Variants in STXBP5 observed in about 807,000 individuals in gnomAD.
STXBP5 encodes the protein syntaxin-binding protein 5.
Under a neutral mutation model 152.4 loss-of-function variants are expected in STXBP5, and 50 were observed. That is an observed-to-expected ratio of 0.33 (90% CI 0.26 to 0.42). The LOEUF (loss-of-function observed/expected upper bound fraction) is 0.42. Ranked by LOEUF, STXBP5 falls within the 10% of genes least tolerant of loss-of-function variation. The pLI, the probability that STXBP5 is intolerant of heterozygous loss-of-function variation, is 1.00. For synonymous variants in STXBP5, 492 were observed against 494.7 expected, an observed-to-expected ratio of 0.99 and a Z score of 0.07; for missense variants, 1,167 against 1,388.6, an observed-to-expected ratio of 0.84 and a Z score of 2.54.
chr6:147,300,661 G>A (rs1340109077), intron 9 of STXBP5, among the ~76,000 whole-genome samples: 4 of 150,202 alleles, frequency 2.7e-5, no homozygotes, highest in Admixed American at 6.6e-5. Flanking sequence ...GCTAAAAAAT[G>A]TATTAAAGAC....
At chr6:147,284,939 G>A (rs1357756945) in intron 8 of STXBP5, among the ~76,000 whole-genome samples, 1 of 152,152 alleles carries the variant, frequency 6.6e-6, no homozygotes, top group Non-Finnish European at 1.5e-5. Context: ...GTGGGCTGGA[G>A]GCAGAAGAGG....
chr6:147,274,607 A>T (rs560780099), intron 7 of STXBP5, among the ~76,000 whole-genome samples: 8 of 152,174 alleles, frequency 5.3e-5, no homozygotes, highest in Non-Finnish European at 1.2e-4. Context: ...GTAAGAAATC[A>T]TATGTGCTAT....
chr6:147,226,271 C>G (rs1311355675), intron 2 of STXBP5, among the ~76,000 whole-genome samples: 2 of 149,510 alleles, frequency 1.3e-5, no homozygotes, highest in Non-Finnish European at 3.0e-5. Flanking sequence ...CCTCTGCACT[C>G]TACCCTGGGT....
rs545090475 is a variant in STXBP5, at chr6:147,350,251, T to G, written c.2255-3072T>G. On this transcript the variant is annotated intron_variant, in intron 21 of 27. Transcript: ENST00000321680. ...TAAAATAGTACTAGAAAAAAACTTT[T>G]ATTCTATGGGAGAGGTTAACTTAAA... 5.3e-5 allele frequency among the ~76,000 whole-genome samples: 8 copies of G among 152,084 alleles called. No homozygotes were observed. The East Asian group carries it at 1.2e-3, about 22-fold the overall frequency.
intron 18 of STXBP5, 143 bp from the exon 19 acceptor site, chr6:147,334,014 A>G (rs759328743): frequency 2.0e-4 from 123 of 610,388 alleles, no homozygotes; most frequent in East Asian, 1.1e-3. Flanking sequence ...CTCAAACCCA[A>G]TGTGCATGGT....
At chr6:147,312,959 A>C (rs1373417283) in intron 11 of STXBP5, among the ~76,000 whole-genome samples, 1 of 152,176 alleles carries the variant, frequency 6.6e-6, no homozygotes, top group Non-Finnish European at 1.5e-5. Context: ...TTTATTTAGC[A>C]AAAGTATCAG....
chr6:147,213,469 TGTGTGTGTGC>T (rs1776981555), intron 2 of STXBP5, among the ~76,000 whole-genome samples: 4 of 121,860 alleles, frequency 3.3e-5, no homozygotes, highest in South Asian at 2.7e-4. Flanking sequence ...TGTGTGTGTG[TGTGTGTGTGC>T]GCGCGCATAT....
chr6:147,261,339 T>C (rs1198568224), intron 5 of STXBP5, among the ~76,000 whole-genome samples: 1 of 152,032 alleles, frequency 6.6e-6, no homozygotes, highest in Non-Finnish European at 1.5e-5. Flanking sequence ...TAAGGATCTT[T>C]AGTGCTAACT....
chr6:147,355,314 A>G (rs973661998), intron 22 of STXBP5, among the ~76,000 whole-genome samples: 2 of 152,172 alleles, frequency 1.3e-5, no homozygotes, highest in African/African-American at 2.4e-5. Context: ...AGTTTGTTGA[A>G]TAAGGCTCTC....
chr6:147,383,091 C>G, intron 27 of STXBP5, 93 bp downstream of exon 27: 2 of 1,368,878 alleles, frequency 1.5e-6, no homozygotes, highest in Non-Finnish European at 1.0e-6. Context: ...TTTCTACACC[C>G]ATGAATTTGC....
rs372118504 is a variant in STXBP5, at chr6:147,254,467, T to C, written c.432-6148T>C. 2.6e-5 allele frequency among the ~76,000 whole-genome samples: 4 copies of C among 152,292 alleles called. No homozygotes were observed. In the East Asian group the frequency reaches 5.8e-4, roughly 22 times the overall value. On this transcript the variant is annotated intron_variant, in intron 4 of 27. Transcript: ENST00000321680. ...TGGGATCTAATTACACTGAAGAGCT[T>C]CTGCAGAGCAAAAGAAACTGTCATC... is the stretch of plus-strand genomic sequence containing the variant.
chr6:147,213,396 G>C (rs2115042335), intron 2 of STXBP5, among the ~76,000 whole-genome samples: 1 of 149,546 alleles, frequency 6.7e-6, no homozygotes. Flanking sequence ...TGGGACCACA[G>C]ATGTGAGCCA....
intron 18 of STXBP5, among the ~76,000 whole-genome samples, chr6:147,333,262 C>T (rs1338721857): frequency 6.6e-6 from 1 of 152,100 alleles, no homozygotes; most frequent in Non-Finnish European, 1.5e-5. Flanking sequence ...TGGCTCACAC[C>T]TGTAATCCCA....
chr6:147,301,591 C>T (rs546269755), intron 9 of STXBP5, among the ~76,000 whole-genome samples: 1 of 152,290 alleles, frequency 6.6e-6, no homozygotes, highest in Non-Finnish European at 1.5e-5. Flanking sequence ...AGTCATTCTA[C>T]AACCCAGCCC....
intron 22 of STXBP5, among the ~76,000 whole-genome samples, chr6:147,357,160 C>T (rs781196362): frequency 2.0e-5 from 3 of 152,036 alleles, no homozygotes; most frequent in Admixed American, 1.3e-4. Flanking sequence ...GGGAGAGATA[C>T]ATGGCTATAG....
intron 8 of STXBP5, among the ~76,000 whole-genome samples, chr6:147,282,977 T>TA (rs576247013): frequency 0.015 from 2,262 of 145,950 alleles, 17 homozygotes; most frequent in Non-Finnish European, 0.021. Context: ...GCTGATGAGC[T>TA]AAAAAAAAAA....
chr6:147,344,058 T>C (rs1289499706), intron 21 of STXBP5, among the ~76,000 whole-genome samples: 1 of 152,236 alleles, frequency 6.6e-6, no homozygotes, highest in Non-Finnish European at 1.5e-5. Flanking sequence ...TTCAAAATTA[T>C]TATATGAGTC....
Position 147,230,174 on chromosome 6 carries a change from G to A in STXBP5, c.249-5076G>A, listed in dbSNP as rs549237309. Among the ~76,000 whole-genome samples the A allele has an allele frequency of 8.6e-5, 13 of 151,930 alleles. No individual in the cohort carries two copies. The South Asian group carries it at 1.7e-3, about 19-fold the overall frequency. ...CCATTGATCCCGTATACTTTTTAAA[G>A]ATGATTGTTTATTTATTTCTATTTC... On this transcript the variant is annotated intron_variant, in intron 2 of 27. Transcript: ENST00000321680.
At chr6:147,326,482 A>G (rs1020384385) in intron 17 of STXBP5, among the ~76,000 whole-genome samples, 2 of 152,184 alleles carry the variant, frequency 1.3e-5, no homozygotes, top group African/African-American at 4.8e-5. Context: ...GCTTTTCCTC[A>G]TTAGATGTGC....
Sources: gnomAD v4.1 joint callset for allele counts (sites outside exome capture counted in the v4.1 genomes callset) on GRCh38, gnomAD v4.1.1 for gene constraint, MANE v1.5 for transcripts, NCBI Gene and HGNC (gene_info 2026-07-23, HGNC 2026-07-21) for gene names.